The following LRBA variants were observed in gnomAD, a reference collection of about 807,000 sequenced individuals.
LRBA encodes the protein lipopolysaccharide-responsive and beige-like anchor protein.
LRBA carries 176 observed loss-of-function variants against 330.0 expected under a neutral mutation model. The ratio of observed to expected loss-of-function variants is 0.53; its 90% CI spans 0.47 to 0.60. LRBA has a LOEUF of 0.60. Ranked by LOEUF, LRBA falls within the 20% of genes least tolerant of loss-of-function variation. LRBA has a pLI of 0.00. For missense variants in LRBA, 3,259 were observed against 3,444.8 expected (o/e 0.95, Z 1.35); for synonymous variants, 1,230 against 1,193.0 (o/e 1.03, Z -0.64).
intron 44 of LRBA, among the ~76,000 whole-genome samples, chr4:150,457,323 G>A (rs1459420834): frequency 6.6e-6 from 1 of 151,974 alleles, no homozygotes; most frequent in Admixed American, 6.6e-5. Flanking sequence ...CAATTATAAA[G>A]GTCTTTAAAA....
chr4:150,405,462 T>G (rs2151936178), intron 47 of LRBA, among the ~76,000 whole-genome samples: 1 of 152,304 alleles, frequency 6.6e-6, no homozygotes, highest in East Asian at 1.9e-4. Flanking sequence ...ATGTTTTAAT[T>G]CCATTCCTAG....
intron 40 of LRBA, among the ~76,000 whole-genome samples, chr4:150,492,927 C>T (rs1759143027): frequency 6.6e-6 from 1 of 152,126 alleles, no homozygotes; most frequent in African/African-American, 2.4e-5. Context: ...CAACTCATCC[C>T]ACCCCAAACT....
In LRBA at chr4:150,703,116, G is replaced by A. The variant is rs116472644; in HGVS notation, c.5755-19399C>T. ...ACAGAGATTGCAGTGAGCCAAGATC[G>A]CACCACTACACTCCAACCTAGGCGA... is the stretch of plus-strand genomic sequence containing the variant. On this transcript the variant is annotated intron_variant, in intron 36 of 56. Coordinates refer to ENST00000651943, the MANE Select transcript of LRBA (RefSeq NM_001364905.1). 6.7e-3 allele frequency among the ~76,000 whole-genome samples: 1,027 copies of A among 152,194 alleles called. 10 individuals are homozygous for A. The highest frequency in any genetic ancestry group is 0.02 in the African/African-American group (844 of 41,516).
intron 29 of LRBA, 37 bp from the exon 30 acceptor site, chr4:150,828,658 A>G (rs1373261299): frequency 1.3e-6 from 2 of 1,525,530 alleles, no homozygotes; most frequent in South Asian, 1.2e-5. Context: ...ATAAACAAAC[A>G]AAAGTTTAGA....
intron 13 of LRBA, among the ~76,000 whole-genome samples, chr4:150,902,052 A>G (rs1730791022): frequency 6.6e-6 from 1 of 152,184 alleles, no homozygotes; most frequent in Admixed American, 6.6e-5. Flanking sequence ...AGCAAAACAA[A>G]TCAAAGACAA....
At chr4:150,570,457 A>G (rs758131439) in intron 40 of LRBA, among the ~76,000 whole-genome samples, 10 of 152,264 alleles carry the variant, frequency 6.6e-5, no homozygotes, top group Non-Finnish European at 1.2e-4. Context: ...TCAGGCCAAT[A>G]AGATGTATAT....
At chr4:150,708,964 T>C (rs1288330187) in intron 36 of LRBA, among the ~76,000 whole-genome samples, 1 of 151,858 alleles carries the variant, frequency 6.6e-6, no homozygotes, top group Non-Finnish European at 1.5e-5. Flanking sequence ...AGATTCTGGC[T>C]TGGCTATTCA....
chr4:150,282,542 G>A lies in LRBA; in HGVS notation c.8224C>T (p.His2742Tyr), dbSNP rs200580681. The change falls in exon 55 of 57, where the codon CAT (histidine) becomes TAT (tyrosine). Residue 2742 changes from histidine (H) to tyrosine (Y), a missense_variant. Coordinates refer to ENST00000651943, the MANE Select transcript of LRBA (RefSeq NM_001364905.1). Reference protein sequence around the residue: ...PKLIQASREGHCVIFYENGLF... With the variant: ...PKLIQASREGYCVIFYENGLF... ...CCGTTTTCATAGAATATGACACAAT[G>A]ACCCTCTCTTGAAGCCTGAATGAGT... 21 of 1,614,010 alleles carry A rather than the reference G, an allele frequency of 1.3e-5. No homozygotes were observed. In the East Asian group the frequency reaches 3.8e-4, roughly 29 times the overall value.
At chr4:150,984,520 A>G (rs1741214376) in intron 2 of LRBA, among the ~76,000 whole-genome samples, 1 of 152,186 alleles carries the variant, frequency 6.6e-6, no homozygotes, top group African/African-American at 2.4e-5. Flanking sequence ...AAAAAAAAAA[A>G]GAACTTTAGG....
chr4:150,905,884 T>A lies in LRBA; in HGVS notation c.1709A>T (p.Asp570Val), dbSNP rs1179077725. 6.2e-7 allele frequency: 1 copy of A among 1,613,748 alleles called. No individual in the cohort carries two copies. The highest frequency in any genetic ancestry group is 1.7e-5 in the Admixed American group (1 of 60,000). The change falls in exon 13 of 57, where the codon GAT (aspartate) becomes GTT (valine). Residue 570 changes from aspartate to valine, a missense_variant. Asp to Val is a radical substitution (Grantham distance 152, BLOSUM62 -3). Transcript: ENST00000651943. ...TATGGCAGGATTAAGAAGAACGTGA[T>A]CACACAATTGCTTGAGCAGGGGCAT... ...NGMPLLKQLC[D>V]HVLLNPAIWI...
intron 40 of LRBA, among the ~76,000 whole-genome samples, chr4:150,507,839 A>G (rs555471913): frequency 6.6e-6 from 1 of 152,148 alleles, no homozygotes; most frequent in East Asian, 1.9e-4. Context: ...AATGTCCAAC[A>G]ACGACAGACT....
At chr4:150,299,170 C>G (rs1247773013) in intron 53 of LRBA, among the ~76,000 whole-genome samples, 1 of 152,012 alleles carries the variant, frequency 6.6e-6, no homozygotes, top group Non-Finnish European at 1.5e-5. Context: ...TGACAAGGCT[C>G]AGTCCTAAAA....
intron 37 of LRBA, among the ~76,000 whole-genome samples, chr4:150,657,725 T>A (rs934105368): frequency 6.6e-6 from 1 of 152,144 alleles, no homozygotes; most frequent in African/African-American, 2.4e-5. Context: ...CCAAAAATAT[T>A]AAAAAACTGA....
rs1429853411 is a variant in LRBA at position 150,321,159 on chromosome 4, A to G, written c.7630+32T>C. On this transcript the variant is annotated intron_variant, in intron 50 of 56. Transcript: ENST00000651943. This position sits in a 1 kb window ranked among gnomAD's most constrained non-coding sequence, Gnocchi z 4.5. ...GGGTATTACACAGTGTTCAGCAGTT[A>G]CCATGCCTTATAATGGTATTTCTTT... The G allele has an allele frequency of 1.9e-6, 3 of 1,583,012 alleles. No individual in the cohort carries two copies. Among genetic ancestry groups the G allele is most frequent in the Middle Eastern group, 1.7e-4 (1 of 5,972 alleles).
At chr4:150,911,645 C>A (rs1360634204) in intron 9 of LRBA, among the ~76,000 whole-genome samples, 1 of 152,120 alleles carries the variant, frequency 6.6e-6, no homozygotes, top group Non-Finnish European at 1.5e-5. Context: ...GGATATTAGT[C>A]TATAGTTTTC....
rs148339630 is a variant in LRBA at position 150,899,502 on chromosome 4, G to C, written c.1924+547C>G. Among the ~76,000 whole-genome samples, 23 of 152,280 alleles carry C rather than the reference G, an allele frequency of 1.5e-4. 1 individual carries two copies. In the East Asian group the frequency reaches 3.7e-3, roughly 24 times the overall value. On this transcript the variant is annotated intron_variant, in intron 14 of 56. Transcript: ENST00000651943. ...GACTGTTATAGTTACAACCAAAAGA[G>C]CCACTATATGTCAAAAGTTTTATTT...
chr4:150,502,673 TTCA>T (rs1324461813), intron 40 of LRBA, among the ~76,000 whole-genome samples: 1 of 152,178 alleles, frequency 6.6e-6, no homozygotes, highest in African/African-American at 2.4e-5. Context: ...AGGTACCGGG[TTCA>T]TCTCACTGGG....
In LRBA at chr4:150,731,725, G is replaced by A. The variant is rs191977349; in HGVS notation, c.5754+3533C>T. ...AGTGAGGGTGTCACGGGTAGGTGAC[G>A]ATGATCTATAGGTATAAAAAAAACA... On this transcript the variant is annotated intron_variant, in intron 36 of 56. Transcript: ENST00000651943. 5.9e-5 allele frequency among the ~76,000 whole-genome samples: 9 copies of A among 152,182 alleles called. No homozygotes were observed. The East Asian group carries it at 9.6e-4, about 16-fold the overall frequency.
chr4:150,296,682 G>T (rs1455014862), intron 53 of LRBA, among the ~76,000 whole-genome samples: 2 of 151,992 alleles, frequency 1.3e-5, no homozygotes, highest in East Asian at 3.9e-4. Flanking sequence ...AAAAATCAGA[G>T]ATTTAAATAT....
Sources: gnomAD v4.1 joint callset for allele counts (sites outside exome capture counted in the v4.1 genomes callset) on GRCh38, gnomAD v4.1.1 for gene constraint, Gnocchi (gnomAD v3.1) non-coding constraint, MANE v1.5 for transcripts, NCBI Gene and HGNC (gene_info 2026-07-23, HGNC 2026-07-21) for gene names.